The following RBFOX1 variants were observed in gnomAD, a reference collection of about 807,000 sequenced individuals.
RBFOX1 encodes the protein RNA binding fox-1 homolog 1, also known as RNA binding protein fox-1 homolog 1.
In RBFOX1, 8 loss-of-function variants were observed where a neutral mutation model predicts 57.7. The ratio of observed to expected loss-of-function variants is 0.14; its 90% confidence interval spans 0.08 to 0.25. RBFOX1 has a LOEUF of 0.25. RBFOX1 is among the 10% of genes least tolerant of loss of function. RBFOX1 has a pLI of 1.00. For synonymous variants in RBFOX1, 326 were observed against 222.4 expected, an observed-to-expected ratio of 1.47 and a Z score of -4.15; for missense variants, 611 against 548.5, an observed-to-expected ratio of 1.11 and a Z score of -1.14.
intron 3 of RBFOX1, among the ~76,000 whole-genome samples, chr16:5,652,456 T>A (rs2880428): frequency 2.0e-5 from 3 of 151,962 alleles, no homozygotes; most frequent in Non-Finnish European, 4.4e-5. Flanking sequence ...CTGTATCACA[T>A]GTTACAGGAG....
chr16:6,759,451 C>A (rs547184881), intron 3 of RBFOX1, among the ~76,000 whole-genome samples: 1 of 148,646 alleles, frequency 6.7e-6, no homozygotes, highest in African/African-American at 2.5e-5. Flanking sequence ...CAACCAACTT[C>A]ATTTCTTGAT....
chr16:6,065,665 G>C (rs763873120), intron 1 of RBFOX1, among the ~76,000 whole-genome samples: 10 of 152,170 alleles, frequency 6.6e-5, no homozygotes, highest in Non-Finnish European at 1.5e-4. Context: ...TTTGAGATGT[G>C]ATATAATGTG....
At chr16:6,927,896 A>G (rs2075889760) in intron 3 of RBFOX1, among the ~76,000 whole-genome samples, 1 of 152,226 alleles carries the variant, frequency 6.6e-6, no homozygotes, top group Non-Finnish European at 1.5e-5. Flanking sequence ...GCATACGCTA[A>G]ACATCATCTA....
intron 1 of RBFOX1, among the ~76,000 whole-genome samples, chr16:6,187,777 G>A (rs1462427789): frequency 1.3e-5 from 2 of 152,090 alleles, no homozygotes; most frequent in Non-Finnish European, 1.5e-5. Flanking sequence ...GGGCAGGCTA[G>A]GATAACATTA....
At chr16:5,677,960 G>A (rs113158256) in intron 3 of RBFOX1, among the ~76,000 whole-genome samples, 1 of 152,224 alleles carries the variant, frequency 6.6e-6, no homozygotes, top group Non-Finnish European at 1.5e-5. Context: ...TGTGTTCTAT[G>A]TCAGATGCTC....
At chr16:6,747,923 A>G (rs747461319) in intron 3 of RBFOX1, among the ~76,000 whole-genome samples, 9 of 152,206 alleles carry the variant, frequency 5.9e-5, no homozygotes, top group South Asian at 2.1e-4. Flanking sequence ...ACAACACGCT[A>G]TCAACTTCAG....
rs551923472 is a variant in RBFOX1 at position 6,645,260 on chromosome 16, C to T, written c.-63-9343C>T. On this transcript the variant is annotated intron_variant, in intron 2 of 15. Coordinates refer to ENST00000550418, the MANE Select transcript of RBFOX1 (RefSeq NM_018723.4). ...CCCTTAATTATGTCTGCACAGACTC[C>T]ATTTGCAAACAAGGTCACATTCACA... 5.3e-5 allele frequency among the ~76,000 whole-genome samples: 8 copies of T among 152,250 alleles called. No individual in the cohort carries two copies. In the South Asian group the frequency reaches 1.0e-3, roughly 20 times the overall value.
intron 4 of RBFOX1, among the ~76,000 whole-genome samples, chr16:7,107,667 C>T (rs2063852528): frequency 6.6e-6 from 1 of 152,072 alleles, no homozygotes; most frequent in African/African-American, 2.4e-5. Context: ...ACCACCAATC[C>T]ACTTTCTATT....
At chr16:5,792,839 A>G (rs1419257404) in intron 3 of RBFOX1, among the ~76,000 whole-genome samples, 1 of 152,100 alleles carries the variant, frequency 6.6e-6, no homozygotes, top group Non-Finnish European at 1.5e-5. Context: ...GCGAGACTCC[A>G]TCTCAAAAAA....
chr16:7,576,971 G>A (rs2093386714), intron 5 of RBFOX1, among the ~76,000 whole-genome samples: 1 of 152,142 alleles, frequency 6.6e-6, no homozygotes, highest in South Asian at 2.1e-4. Context: ...ACAGTTGCAG[G>A]ATTCGAGCTC....
intron 4 of RBFOX1, among the ~76,000 whole-genome samples, chr16:7,156,386 T>C (rs568966127): frequency 6.6e-6 from 1 of 152,044 alleles, no homozygotes; most frequent in African/African-American, 2.4e-5. Flanking sequence ...TGTACATATA[T>C]GCACACATAC....
At chr16:7,210,536 C>G (rs1255429546) in intron 4 of RBFOX1, among the ~76,000 whole-genome samples, 1 of 152,192 alleles carries the variant, frequency 6.6e-6, no homozygotes, top group African/African-American at 2.4e-5. Flanking sequence ...CCTAAATTAA[C>G]ATTTTATGGA....
intron 4 of RBFOX1, among the ~76,000 whole-genome samples, chr16:5,951,856 G>C: frequency 7.1e-6 from 1 of 140,400 alleles, no homozygotes; most frequent in East Asian, 1.9e-4. Flanking sequence ...GTGTGCGCGT[G>C]TGTGTGTGTA....
chr16:5,569,783 G>T (rs536239187), intron 2 of RBFOX1, among the ~76,000 whole-genome samples: 5 of 151,922 alleles, frequency 3.3e-5, no homozygotes, highest in South Asian at 4.2e-4. Flanking sequence ...ACATCCTGCC[G>T]TGGGAATATG....
intron 1 of RBFOX1, among the ~76,000 whole-genome samples, chr16:6,085,565 G>C (rs1341252335): frequency 6.6e-6 from 1 of 152,128 alleles, no homozygotes; most frequent in Non-Finnish European, 1.5e-5. Flanking sequence ...CACTGTGCCC[G>C]ACCCTCACAC....
At chr16:7,703,304 C>T (rs117633801) in intron 14 of RBFOX1, among the ~76,000 whole-genome samples, 1,873 of 152,300 alleles carry the variant, frequency 0.012, 21 homozygotes, top group Non-Finnish European at 0.019. Context: ...TACTCTGCAG[C>T]CCTTCTCTGT....
chr16:7,154,984 G>C (rs2076800529), intron 4 of RBFOX1, among the ~76,000 whole-genome samples: 1 of 152,020 alleles, frequency 6.6e-6, no homozygotes, highest in African/African-American at 2.4e-5. Flanking sequence ...ATAATATTTT[G>C]ACTTGAATTA....
intron 1 of RBFOX1, among the ~76,000 whole-genome samples, chr16:6,203,939 ACT>A (rs1012750434): frequency 6.7e-6 from 1 of 149,194 alleles, no homozygotes; most frequent in Non-Finnish European, 1.5e-5. Context: ...AATCATATTA[ACT>A]CTCAACCTGT....
At chr16:6,912,115 C>T (rs1308795095) in intron 3 of RBFOX1, among the ~76,000 whole-genome samples, 1 of 152,150 alleles carries the variant, frequency 6.6e-6, no homozygotes, top group African/African-American at 2.4e-5. Context: ...TTTATACTTA[C>T]TAGTATTTCA....
Sources: gnomAD v4.1 joint callset for allele counts (sites outside exome capture counted in the v4.1 genomes callset) on GRCh38, gnomAD v4.1.1 for gene constraint, MANE v1.5 for transcripts, NCBI Gene and HGNC (gene_info 2026-07-23, HGNC 2026-07-21) for gene names.